Variants in ZNF699 observed in about 807,000 individuals in gnomAD.
ZNF699 encodes zinc finger protein 699.
A neutral mutation model predicts 22.5 loss-of-function variants in ZNF699; 18 were observed. The observed-to-expected ratio is 0.80, with a 90% CI of 0.55 to 1.19. The LOEUF (loss-of-function observed/expected upper bound fraction) is 1.19, where lower values mean the gene tolerates loss of function less well. ZNF699 is among the 50% of genes most tolerant of loss of function. The probability of loss-of-function intolerance (pLI) is 0.00; values close to 1 mark genes in which losing one functional copy is unlikely to be tolerated. For synonymous variants in ZNF699, 241 were observed against 262.3 expected (o/e 0.92, Z 0.78); for missense variants, 670 against 763.4 (o/e 0.88, Z 1.44).
chr19:9,309,043 T>C (rs1386737891), intron 1 of ZNF699, among the ~76,000 whole-genome samples: 1 of 152,142 alleles, frequency 6.6e-6, no homozygotes, highest in African/African-American at 2.4e-5. Context: ...TCTCGCTCTG[T>C]TGCCCAGGCT....
chr19:9,294,680 T>C lies in ZNF699; in HGVS notation c.*795A>G, dbSNP rs999282881. The C allele has an allele frequency of 6.6e-6, 1 of 152,152 alleles. No homozygotes were observed. Among genetic ancestry groups the C allele is most frequent in the Non-Finnish European group, 1.5e-5 (1 of 68,030 alleles). 9.4% of individuals were successfully genotyped at this position (152,152 alleles called of 1,614,324 possible). On this transcript the variant is annotated 3_prime_UTR_variant, in exon 6 of 6. Coordinates refer to ENST00000591998, the MANE Select transcript of ZNF699 (RefSeq NM_198535.3). ...GGGAAATGTAGTTAATGTAACACAA[T>C]TTTTACACTCAAAACACTGGATCCA...
chr19:9,307,946 C>CA (rs747641771), intron 1 of ZNF699, among the ~76,000 whole-genome samples: 2,854 of 64,698 alleles, frequency 0.044, 50 homozygotes, highest in African/African-American at 0.091. Context: ...GACTCTGTCT[C>CA]AAAAAAAAAA....
In ZNF699 at chr19:9,309,428, T is replaced by A. The variant is rs1568347886; in HGVS notation, c.-84A>T. On this transcript the variant is annotated 5_prime_UTR_variant, in exon 1 of 6. Transcript: ENST00000591998. The stretch of plus-strand genomic sequence containing the variant: ...GTCCTTGAGACACGAATGGCAGAGA[T>A]GCTCTTCCTTTCTGGAAAGAGAGCA... 6.6e-6 allele frequency: 1 copy of A among 152,302 alleles called. No homozygotes were observed. Among genetic ancestry groups the A allele is most frequent in the Non-Finnish European group, 1.5e-5 (1 of 68,080 alleles). 9.4% of individuals were successfully genotyped at this position (152,302 alleles called of 1,614,324 possible). A position where few individuals can be genotyped will look rare whatever the true frequency, so the allele number is the denominator to read the frequency against.
At chr19:9,300,651 C>G (rs1052051340) in intron 3 of ZNF699, among the ~76,000 whole-genome samples, 10 of 152,196 alleles carry the variant, frequency 6.6e-5, no homozygotes, top group African/African-American at 2.2e-4. Context: ...ATGGAGGAAT[C>G]TTAAATGTAT....
intron 1 of ZNF699, among the ~76,000 whole-genome samples, chr19:9,308,349 T>C (rs1252654321): frequency 6.6e-6 from 1 of 151,914 alleles, no homozygotes; most frequent in Non-Finnish European, 1.5e-5. Context: ...CAAGAATTAA[T>C]CATAATTACA....
In ZNF699 at chr19:9,295,609, G is replaced by A. The variant is rs770153046; in HGVS notation, c.1795C>T (p.Pro599Ser). The change falls in exon 6 of 6, where the codon CCC becomes TCC. Residue 599 changes from proline to serine, a missense_variant. Pro to Ser is a moderately conservative substitution (Grantham distance 74). Coordinates refer to ENST00000591998, the MANE Select transcript of ZNF699 (RefSeq NM_198535.3). ...CTCACATGCCTTCGAAAGGATGAGGGACAACTGAAAGCTTTTCCACATTCC... is the reference window on the plus strand; with the variant it reads ...CTCACATGCCTTCGAAAGGATGAGGAACAACTGAAAGCTTTTCCACATTCC... ...CLECGKAFSC[P>S]SSFRRHVRSH... 9 of 1,613,304 alleles carry A rather than the reference G, an allele frequency of 5.6e-6. No individual in the cohort carries two copies. The South Asian group carries it at 9.9e-5, about 18-fold the overall frequency.
At chr19:9,298,683 C>CT (rs1051788331) in intron 3 of ZNF699, among the ~76,000 whole-genome samples, 1 of 152,270 alleles carries the variant, frequency 6.6e-6, no homozygotes, top group East Asian at 1.9e-4. Flanking sequence ...TGTCTAAAGA[C>CT]TTTATGCCAC....
intron 2 of ZNF699, among the ~76,000 whole-genome samples, chr19:9,302,982 C>G (rs2066313477): frequency 6.6e-6 from 1 of 151,766 alleles, no homozygotes. Flanking sequence ...TGAGCACGAC[C>G]ATGCCACTGC....
At chr19:9,298,220 G>A (rs1275433872) in intron 3 of ZNF699, among the ~76,000 whole-genome samples, 1 of 150,970 alleles carries the variant, frequency 6.6e-6, no homozygotes, top group Non-Finnish European at 1.5e-5. Flanking sequence ...GACTGAGGCA[G>A]GCAGATCACG....
chr19:9,291,814 T>G lies in ZNF699; in HGVS notation c.*3661A>C, dbSNP rs2066266578. 6.6e-6 allele frequency: 1 copy of G among 151,932 alleles called. No individual in the cohort carries two copies. Among genetic ancestry groups the G allele is most frequent in the Non-Finnish European group, 1.5e-5 (1 of 68,052 alleles). The allele number at this position is 151,932 out of a possible 1,614,324, so 9.4% of individuals were successfully genotyped here. A position where few individuals can be genotyped will look rare whatever the true frequency, so the allele number is the denominator to read the frequency against. ...ACTCCACCTCCTGGGTTCAAGTGAT[T>G]CTCCTGCCCCAGCCTCCTGAGTAGC... is the stretch of plus-strand genomic sequence containing the variant. On this transcript the variant is annotated 3_prime_UTR_variant, in exon 6 of 6. Coordinates refer to ENST00000591998, the MANE Select transcript of ZNF699 (RefSeq NM_198535.3).
chr19:9,297,073 A>G lies in ZNF699; in HGVS notation c.471-140T>C. 4 of 842,036 alleles carry G rather than the reference A, an allele frequency of 4.8e-6. No homozygotes were observed. In the South Asian group the frequency reaches 7.9e-5, roughly 17 times the overall value. 52.2% of individuals were successfully genotyped at this position (842,036 alleles called of 1,614,324 possible). Reference sequence around the variant, plus strand: ...CGACAGCCAATACTGTCACTGAGTTATTGACTCACGGGATTTTTCTGATAA... The same window carrying G: ...CGACAGCCAATACTGTCACTGAGTTGTTGACTCACGGGATTTTTCTGATAA... On this transcript the variant is annotated intron_variant, in intron 5 of 5. Transcript: ENST00000591998. The surrounding 1 kb of genome is among the most constrained non-coding windows in gnomAD (Gnocchi z 4.3).
chr19:9,298,616 A>G (rs187257124), intron 3 of ZNF699, among the ~76,000 whole-genome samples: 79 of 152,330 alleles, frequency 5.2e-4, no homozygotes, highest in Admixed American at 3.5e-3. Context: ...CTAATCTTGG[A>G]TAAAGTTACT....
At position 9,297,941 on chromosome 19, in the gene ZNF699, C is replaced by T. The variant is rs769702154; in HGVS notation, c.225G>A (p.Glu75=). The change falls in exon 4 of 6, where the codon GAG becomes GAA. Residue 75 remains glutamate (E), a synonymous_variant. Transcript: ENST00000591998. This position sits in a 1 kb window ranked among gnomAD's most constrained non-coding sequence, Gnocchi z 4.3. ...PHLISQWEQE[E]DLQTVKRELI... ...GTTCTCTCTTCACTGTCTGCAGGTC[C>T]TCCTCTTGTTCCCACTGGGAGATCA... 2.5e-6 allele frequency: 4 copies of T among 1,613,628 alleles called. No individual in the cohort carries two copies. The highest frequency in any genetic ancestry group is 3.4e-6 in the Non-Finnish European group (4 of 1,179,958).
At chr19:9,296,991 T>C in intron 5 of ZNF699, 58 bp from the exon 6 acceptor site, 1 of 1,386,610 alleles carries the variant, frequency 7.2e-7, no homozygotes. Flanking sequence ...TCAGTGAATG[T>C]ATATGTTTTC....
chr19:9,305,471 T>C (rs1406336793), intron 1 of ZNF699, among the ~76,000 whole-genome samples: 1 of 152,168 alleles, frequency 6.6e-6, no homozygotes, highest in Non-Finnish European at 1.5e-5. Flanking sequence ...CTGCCCATGA[T>C]AACAAAAAGT....
At position 9,297,899 on chromosome 19, in the gene ZNF699, A is replaced by G. The variant is rs564797456; in HGVS notation, c.267T>C (p.Phe89=). The G allele has an allele frequency of 1.9e-6, 3 of 1,613,546 alleles. No homozygotes were observed. Among genetic ancestry groups the G allele is most frequent in the East Asian group, 2.2e-5 (1 of 44,812 alleles). Residue 89 remains phenylalanine, a synonymous_variant, in exon 4 of 6, where the codon TTT becomes TTC. Transcript: ENST00000591998. The surrounding 1 kb of genome is among the most constrained non-coding windows in gnomAD (Gnocchi z 4.3). Reference sequence around the variant, plus strand: ...TCTTGCCTTCCCGGTGCTCTCCCATAAAGATGCCCTGGATAAGTTCTCTCT... The same window carrying G: ...TCTTGCCTTCCCGGTGCTCTCCCATGAAGATGCCCTGGATAAGTTCTCTCT... ...TVKRELIQGI[F]MGEHREGFET...
At position 9,305,777 on chromosome 19, in the gene ZNF699, C is replaced by A. The variant is rs528331817; in HGVS notation, c.-5-653G>T. Among the ~76,000 whole-genome samples the A allele has an allele frequency of 1.5e-4, 23 of 152,070 alleles. No homozygotes were observed. In the East Asian group the frequency reaches 4.5e-3, roughly 30 times the overall value. ...AGTGCAGTGGTGTGATCTCAGCTCA[C>A]TGCAACCTCCACCTCCCGGGTTCAT... On this transcript the variant is annotated intron_variant, in intron 1 of 5. Coordinates refer to ENST00000591998, the MANE Select transcript of ZNF699 (RefSeq NM_198535.3).
At position 9,296,701 on chromosome 19, in the gene ZNF699, G is replaced by A. The variant is rs1440852067; in HGVS notation, c.703C>T (p.Leu235Phe). ...CKECGKAFHF[L>F]ACFKKHMKTP... ...TTCATATGCTTCTTGAAACAAGCAA[G>A]AAAATGGAAGGCCTTCCCACATTCC... Residue 235 changes from leucine to phenylalanine, a missense_variant, in exon 6 of 6, where the codon CTT becomes TTT. Transcript: ENST00000591998. 1 of 1,608,462 alleles carries A rather than the reference G, an allele frequency of 6.2e-7. No homozygotes were observed. Among genetic ancestry groups the A allele is most frequent in the South Asian group, 1.1e-5 (1 of 90,520 alleles).
chr19:9,302,330 T>G, intron 3 of ZNF699, 48 bp downstream of exon 3: 2 of 1,607,254 alleles, frequency 1.2e-6, no homozygotes, highest in Non-Finnish European at 1.7e-6. Flanking sequence ...TTTAGTGAGA[T>G]AAAATAACTT....
Sources: allele counts gnomAD v4.1 joint callset (sites outside exome capture counted in the v4.1 genomes callset), GRCh38; gene constraint gnomAD v4.1.1; non-coding constraint Gnocchi (gnomAD v3.1); transcripts MANE v1.5; gene names NCBI Gene and HGNC (gene_info 2026-07-23, HGNC 2026-07-21).